The following KHDRBS2 variants were observed in gnomAD, a reference collection of about 807,000 sequenced individuals.
KHDRBS2 encodes KH domain-containing, RNA-binding, signal transduction-associated protein 2.
A neutral mutation model predicts 44.3 loss-of-function variants in KHDRBS2; 26 were observed. The observed-to-expected ratio is 0.59, with a 90% CI of 0.43 to 0.81. The LOEUF is 0.81. Ranked by LOEUF, KHDRBS2 falls within the 40% of genes least tolerant of loss-of-function variation. The probability of loss-of-function intolerance (pLI) is 0.00; values close to 1 mark genes in which losing one functional copy is unlikely to be tolerated. For synonymous variants in KHDRBS2, 194 were observed against 151.1 expected, an observed-to-expected ratio of 1.28 and a Z score of -2.08; for missense variants, 476 against 433.1, an observed-to-expected ratio of 1.10 and a Z score of -0.88.
At chr6:61,659,186 A>G in the KHDRBS2 span, 1 of 151,866 alleles carries the variant, frequency 6.6e-6, no homozygotes, top group Non-Finnish European at 1.5e-5. Flanking sequence ...AAATATGTTT[A>G]CAAAAATATA....
chr6:61,950,236 G>T (rs60717489), intron 4 of KHDRBS2, among the ~76,000 whole-genome samples: 4,602 of 152,120 alleles, frequency 0.03, 235 homozygotes, highest in African/African-American at 0.1. Context: ...ACAGCTCCAA[G>T]ACTTGAATGG....
intron 3 of KHDRBS2, among the ~76,000 whole-genome samples, chr6:62,037,739 T>C (rs960011280): frequency 3.2e-4 from 48 of 152,120 alleles, no homozygotes; most frequent in African/African-American, 9.9e-4. Flanking sequence ...AGCAATTACA[T>C]ACCTATAGCT....
intron 2 of KHDRBS2, among the ~76,000 whole-genome samples, chr6:62,084,161 C>A (rs1256521063): frequency 6.6e-6 from 1 of 152,018 alleles, no homozygotes; most frequent in Non-Finnish European, 1.5e-5. Context: ...TTCCTGTCTA[C>A]CTTTGGTATC....
intron 2 of KHDRBS2, among the ~76,000 whole-genome samples, chr6:62,107,088 G>T (rs1012023343): frequency 4.0e-5 from 6 of 151,872 alleles, no homozygotes; most frequent in Admixed American, 2.6e-4. Flanking sequence ...GGAAGTTCTG[G>T]CCAGGGCAAT....
intron 3 of KHDRBS2, among the ~76,000 whole-genome samples, chr6:62,047,629 C>A (rs1787998575): frequency 6.6e-6 from 1 of 151,754 alleles, no homozygotes; most frequent in South Asian, 2.1e-4. Context: ...AAAGATGTGA[C>A]AGCAACCTAC....
chr6:61,716,559 T>C (rs1157742952), intron 7 of KHDRBS2, among the ~76,000 whole-genome samples: 3 of 151,958 alleles, frequency 2.0e-5, no homozygotes, highest in Non-Finnish European at 4.4e-5. Context: ...ACCTTCATTT[T>C]TTTAAAAAAA....
rs577753247 is a variant in KHDRBS2, at chr6:62,239,762, T to G, written c.91+46096A>C. Among the ~76,000 whole-genome samples, 1,248 of 152,158 alleles carry G rather than the reference T, an allele frequency of 8.2e-3. 12 individuals carry two copies. The highest frequency in any genetic ancestry group is 0.012 in the Non-Finnish European group (802 of 68,006). ...GTGCAGTGGCGGGATCTCAGATGAC[T>G]GCAACTTCCACGTCCCAGGTTCAAG... On this transcript the variant is annotated intron_variant, in intron 1 of 8. Transcript: ENST00000281156.
At chr6:61,770,577 A>C (rs995530581) in intron 6 of KHDRBS2, among the ~76,000 whole-genome samples, 3 of 152,222 alleles carry the variant, frequency 2.0e-5, no homozygotes, top group Non-Finnish European at 2.9e-5. Flanking sequence ...ACTGGAAGAA[A>C]GGGTATCAGT....
the KHDRBS2 span, among the ~76,000 whole-genome samples, chr6:61,593,750 T>C: frequency 6.6e-6 from 1 of 152,134 alleles, no homozygotes; most frequent in Admixed American, 6.6e-5. Flanking sequence ...GTGTCTGTAA[T>C]ATCTGTATGA....
intron 2 of KHDRBS2, among the ~76,000 whole-genome samples, chr6:62,050,836 G>T (rs1433681771): frequency 1.3e-5 from 2 of 151,976 alleles, no homozygotes; most frequent in Admixed American, 6.6e-5. Context: ...AAAACAACTT[G>T]CACGTGAATG....
intron 2 of KHDRBS2, among the ~76,000 whole-genome samples, chr6:62,128,544 ATCTCTCTCTC>A (rs5876776): frequency 3.4e-5 from 5 of 148,670 alleles, no homozygotes; most frequent in African/African-American, 9.9e-5. Flanking sequence ...TCTTTTAATG[ATCTCTCTCTC>A]TCTCTCTCTC....
chr6:62,017,066 G>A (rs1306750625), intron 3 of KHDRBS2, among the ~76,000 whole-genome samples: 2 of 151,434 alleles, frequency 1.3e-5, no homozygotes, highest in Non-Finnish European at 2.9e-5. Context: ...CTTCCTCATC[G>A]CTGGTTTTGT....
At chr6:62,165,493 T>C (rs905167143) in intron 2 of KHDRBS2, among the ~76,000 whole-genome samples, 2 of 151,762 alleles carry the variant, frequency 1.3e-5, no homozygotes, top group Non-Finnish European at 2.9e-5. Flanking sequence ...ATTAAATGCA[T>C]CTTCTGATCT....
intron 8 of KHDRBS2, among the ~76,000 whole-genome samples, chr6:61,685,060 T>A (rs1189306804): frequency 1.3e-5 from 2 of 151,648 alleles, no homozygotes; most frequent in South Asian, 4.1e-4. Context: ...TGAAATTTCA[T>A]AGGTTATGAC....
the KHDRBS2 span, among the ~76,000 whole-genome samples, chr6:61,628,954 CTAAT>C: frequency 1.3e-5 from 2 of 152,090 alleles, no homozygotes; most frequent in Non-Finnish European, 2.9e-5. Flanking sequence ...TATTGACTGT[CTAAT>C]TAGTACAGTC....
the KHDRBS2 span, among the ~76,000 whole-genome samples, chr6:61,673,140 A>G: frequency 6.6e-6 from 1 of 151,948 alleles, no homozygotes; most frequent in Non-Finnish European, 1.5e-5. Context: ...CAGGTTTGTC[A>G]AAGATCAGAT....
chr6:62,188,095 G>GC (rs1023343746), intron 1 of KHDRBS2, among the ~76,000 whole-genome samples: 14 of 152,062 alleles, frequency 9.2e-5, no homozygotes, highest in African/African-American at 3.4e-4. Context: ...CAGAGCAAGA[G>GC]CTCACTCATT....
chr6:61,552,617 TA>T, the KHDRBS2 span, among the ~76,000 whole-genome samples: 1 of 152,216 alleles, frequency 6.6e-6, no homozygotes. Context: ...CCATTCAGTA[TA>T]ATGTTGGCTG....
intron 4 of KHDRBS2, among the ~76,000 whole-genome samples, chr6:61,931,367 C>T (rs1237219030): frequency 6.6e-6 from 1 of 151,638 alleles, no homozygotes; most frequent in Non-Finnish European, 1.5e-5. Context: ...TATAGTATTA[C>T]CCAAAAGAAA....
Sources: allele counts gnomAD v4.1 joint callset (sites outside exome capture counted in the v4.1 genomes callset), GRCh38; gene constraint gnomAD v4.1.1; transcripts MANE v1.5; gene names NCBI Gene and HGNC (gene_info 2026-07-23, HGNC 2026-07-21).